Variants in MST1 observed in about 807,000 individuals in gnomAD.
The protein encoded by MST1 is hepatocyte growth factor-like protein.
In MST1, 76 loss-of-function variants were observed where a neutral mutation model predicts 100.1. The ratio of observed to expected loss-of-function variants is 0.76; its 90% confidence interval spans 0.63 to 0.92. The LOEUF is 0.92. Among genes scored for constraint, MST1 ranks in the 40% least tolerant of loss-of-function variants. The pLI is 0.00. For missense variants in MST1, 850 were observed against 990.0 expected (o/e 0.86, Z 1.90); for synonymous variants, 352 against 385.4 (o/e 0.91, Z 1.01).
chr3:49,685,892 C>G lies in MST1; in HGVS notation c.1218G>C (p.Gln406His). The change falls in exon 10 of 18, where the codon CAG becomes CAC. Residue 406 changes from glutamine to histidine, a missense_variant. Around this residue, in one of 2 missense-constraint regions of MST1, gnomAD observed 816 missense variants for 924.6 expected, o/e 0.88. Coordinates refer to ENST00000449682, the MANE Select transcript of MST1 (RefSeq NM_020998.4). ...TGTGCGGCGTCTCAGCGGACCAGCG[C>G]TGGCACTGGACACCCTTGCGGGTCT... ...VSKTRKGVQC[Q>H]RWSAETPHKP... 1 of 1,606,014 alleles carries G rather than the reference C, an allele frequency of 6.2e-7. No individual in the cohort carries two copies. The highest frequency in any genetic ancestry group is 1.9e-4 in the Middle Eastern group (1 of 5,272).
Position 49,685,669 on chromosome 3 carries a change from C to T in MST1, c.1314G>A (p.Gly438=), listed in dbSNP as rs1268994285. The T allele has an allele frequency of 3.0e-5, 48 of 1,613,292 alleles. No homozygotes were observed. Among genetic ancestry groups the T allele is most frequent in the Non-Finnish European group, 4.0e-5 (47 of 1,179,864 alleles). The stretch of plus-strand genomic sequence containing the variant: ...TGTAGCACCAGGGCCCATGGCTATC[C>T]CCATCTGGGTTCCGGCAGAAGTTCT... The part of the protein sequence containing the change: ...LEENFCRNPD[G]DSHGPWCYTM... The change falls in exon 11 of 18, where the codon GGG becomes GGA. Residue 438 remains glycine (G), a synonymous_variant. Coordinates refer to ENST00000449682, the MANE Select transcript of MST1 (RefSeq NM_020998.4).
chr3:49,684,424 C>A lies in MST1; in HGVS notation c.1906G>T (p.Ala636Ser). ...TGGTTGGAGATGACATTCAGCAAGGCCACATTTAGGACTGTGTCATTACCC... is the reference window on the plus strand; with the variant it reads ...TGGTTGGAGATGACATTCAGCAAGGACACATTTAGGACTGTGTCATTACCC... Reference protein sequence around the residue: ...GTGNDTVLNVALLNVISNQEC... With the variant: ...GTGNDTVLNVSLLNVISNQEC... Residue 636 changes from alanine to serine, a missense_variant, in exon 17 of 18, where the codon GCC becomes TCC. Ala to Ser is a moderately conservative substitution (Grantham distance 99). This residue lies in a region of MST1 where 816 missense variants were observed against 924.6 expected (regional missense o/e 0.88). Transcript: ENST00000449682. 6.2e-7 allele frequency: 1 copy of A among 1,613,422 alleles called. No individual in the cohort carries two copies.
Position 49,688,780 on chromosome 3 carries a change from C to T in MST1, c.-89G>A. 1 of 1,084,000 alleles carries T rather than the reference C, an allele frequency of 9.2e-7. No individual in the cohort carries two copies. 67.1% of individuals were successfully genotyped at this position (1,084,000 alleles called of 1,614,324 possible). A position where few individuals can be genotyped will look rare whatever the true frequency, so the allele number is the denominator to read the frequency against. On this transcript the variant is annotated 5_prime_UTR_variant, in exon 1 of 18. Coordinates refer to ENST00000449682, the MANE Select transcript of MST1 (RefSeq NM_020998.4). The stretch of plus-strand genomic sequence containing the variant: ...GGCCTGCTGGACCCTGACCTGAGAC[C>T]TGGTGACAGGAGCCATGAGGGGCCA...
chr3:49,687,429 G>A lies in MST1; in HGVS notation c.405C>T (p.Thr135=). The A allele has an allele frequency of 1.2e-6, 2 of 1,613,388 alleles. No individual in the cohort carries two copies. The highest frequency in any genetic ancestry group is 1.7e-6 in the Non-Finnish European group (2 of 1,179,862). ...GCAGGCCACCCACGGTCGTGGCCAT[G>A]GTGCCCCGGTACCCAACCCCATTGT... ...IMNNGVGYRG[T]MATTVGGLPC... Residue 135 remains threonine, a synonymous_variant, in exon 4 of 18, where the codon ACC becomes ACT. Coordinates refer to ENST00000449682, the MANE Select transcript of MST1 (RefSeq NM_020998.4).
In MST1 at chr3:49,684,590, T is replaced by A. The variant is rs867733345; in HGVS notation, c.1836A>T (p.Pro612=). ...CLPPEWYVVP[P]GTKCEIAGWG... ...AGCCTGCAATCTCACACTTGGTCCC[T>A]GGAGGCACCACATACCATTCAGGGG... is the stretch of plus-strand genomic sequence containing the variant. Residue 612 remains proline (P), a synonymous_variant, in exon 16 of 18, where the codon CCA becomes CCT. Transcript: ENST00000449682. 2.5e-6 allele frequency: 4 copies of A among 1,613,798 alleles called. No homozygotes were observed. Among genetic ancestry groups the A allele is most frequent in the Non-Finnish European group, 2.5e-6 (3 of 1,179,868 alleles).
At position 49,687,871 on chromosome 3, in the gene MST1, G is replaced by A; in HGVS notation, c.121C>T (p.Gln41Ter). 1.2e-6 allele frequency: 2 copies of A among 1,613,580 alleles called. No homozygotes were observed. Among genetic ancestry groups the A allele is most frequent in the Non-Finnish European group, 1.7e-6 (2 of 1,179,856 alleles). Residue 41 changes from glutamine (Q) to a stop codon, truncating the protein, a stop_gained, in exon 2 of 18, where the codon CAA becomes TAA. Transcript: ENST00000449682. LOFTEE classifies it high-confidence loss of function. ...TGTAGCTCTGTGCCCCGGAGCACTT[G>A]GAAGTCATTCAATGGCGAGCGCTGC... is the stretch of plus-strand genomic sequence containing the variant. ...PGQRSPLNDF[Q>*]VLRGTELQHL...
chr3:49,684,041 A>G lies in MST1; in HGVS notation c.2165T>C (p.Met722Thr). Reference sequence around the variant, plus strand: ...TCAAGGCTGGGCCTAACCCAGTCTCATGACCTTGTGAATCCAGTCCACAAA... The same window carrying G: ...TCAAGGCTGGGCCTAACCCAGTCTCGTGACCTTGTGAATCCAGTCCACAAA... ...SVFVDWIHKV[M>T]RLG Residue 722 changes from methionine (M) to threonine (T), a missense_variant, in exon 18 of 18, where the codon ATG becomes ACG. By Grantham distance (81) the Met-to-Thr change is moderately conservative (BLOSUM62 -1). Transcript: ENST00000449682. 6.2e-7 allele frequency: 1 copy of G among 1,613,450 alleles called. No homozygotes were observed. The highest frequency in any genetic ancestry group is 8.5e-7 in the Non-Finnish European group (1 of 1,179,718).
In MST1 at chr3:49,684,670, G is replaced by T; in HGVS notation, c.1770-14C>A. On this transcript the variant is annotated splice_polypyrimidine_tract_variant and intron_variant, in intron 15 of 17. Transcript: ENST00000449682. ...AGGGTCACAGATCTTTAGCAAGAAT[G>T]GGGGCACTCAGGGTCTGAGGCCACA... 2 of 1,613,460 alleles carry T rather than the reference G, an allele frequency of 1.2e-6. No individual in the cohort carries two copies. The highest frequency in any genetic ancestry group is 1.7e-6 in the Non-Finnish European group (2 of 1,179,770).
chr3:49,684,723 A>G lies in MST1; in HGVS notation c.1769+15T>C, dbSNP rs1184942214. 6.2e-7 allele frequency: 1 copy of G among 1,613,138 alleles called. No individual in the cohort carries two copies. The highest frequency in any genetic ancestry group is 1.3e-5 in the African/African-American group (1 of 74,932). ...GCCCAGCCCCACCTCACACCCTCCCAGGTTGTCCACATACCTCTCCAGCTT... is the reference window on the plus strand; with the variant it reads ...GCCCAGCCCCACCTCACACCCTCCCGGGTTGTCCACATACCTCTCCAGCTT... On this transcript the variant is annotated intron_variant, in intron 15 of 17. Coordinates refer to ENST00000449682, the MANE Select transcript of MST1 (RefSeq NM_020998.4).
intron 8 of MST1, 42 bp downstream of exon 8, chr3:49,686,271 G>T (rs750176279): frequency 1.3e-6 from 2 of 1,583,138 alleles, no homozygotes; most frequent in South Asian, 1.1e-5. Context: ...CGTCTCACCC[G>T]CAGCAGCACG....
chr3:49,686,289 G>GCCCACCCCCCCCCCCCCCCC, intron 8 of MST1, 24 bp downstream of exon 8: 6 of 1,235,662 alleles, frequency 4.9e-6, no homozygotes, highest in South Asian at 1.4e-5. Context: ...ACGTCCCAAC[G>GCCCACCCCCCCCCCCCCCCC]CCCGCCCCCC....
rs2053945974 is a variant in MST1, at chr3:49,688,111, C to G, written c.95-214G>C. On this transcript the variant is annotated intron_variant, in intron 1 of 17. Transcript: ENST00000449682. The stretch of plus-strand genomic sequence containing the variant: ...GCAGGCCCAGACTTGGTAGTTATCA[C>G]CGGTGCCTCTGTTTAGTGGCCCAGG... The G allele has an allele frequency of 7.1e-6, 5 of 707,374 alleles. No homozygotes were observed. In the Admixed American group the frequency reaches 9.0e-5, roughly 13 times the overall value. 43.8% of individuals were successfully genotyped at this position (707,374 alleles called of 1,614,324 possible). A position where few individuals can be genotyped will look rare whatever the true frequency, so the allele number is the denominator to read the frequency against.
rs1160558322 is a variant in MST1 at position 49,688,834 on chromosome 3, G to A, written c.-143C>T. On this transcript the variant is annotated 5_prime_UTR_variant, in exon 1 of 18. Coordinates refer to ENST00000449682, the MANE Select transcript of MST1 (RefSeq NM_020998.4). ...CTCAGGTCCCATAGGTCAGTTGCAA[G>A]GGCCTAGTACAGCTTAGTGGACAGG... 3 of 635,580 alleles carry A rather than the reference G, an allele frequency of 4.7e-6. No individual in the cohort carries two copies. The highest frequency in any genetic ancestry group is 8.4e-6 in the Non-Finnish European group (3 of 359,052). The allele number at this position is 635,580 out of a possible 1,614,324, so 39.4% of individuals were successfully genotyped here.
rs2053787793 is a variant in MST1, at chr3:49,686,705, A to G, written c.826T>C (p.Phe276Leu). ...YTTDPQIERE[F>L]CDLPRCGSEA... ...CTACCGCAGCGGGGGAGGTCACAGAACTCTCGCTCGATCTGCGGATCCGTA... is the reference window on the plus strand; with the variant it reads ...CTACCGCAGCGGGGGAGGTCACAGAGCTCTCGCTCGATCTGCGGATCCGTA... The change falls in exon 7 of 18, where the codon TTC becomes CTC. Residue 276 changes from phenylalanine (F) to leucine (L), a missense_variant. Phe to Leu is a conservative substitution (Grantham distance 22). Around this residue, in one of 2 missense-constraint regions of MST1, gnomAD observed 816 missense variants for 924.6 expected, o/e 0.88. Coordinates refer to ENST00000449682, the MANE Select transcript of MST1 (RefSeq NM_020998.4). The G allele has an allele frequency of 1.9e-6, 3 of 1,578,350 alleles. No individual in the cohort carries two copies. The highest frequency in any genetic ancestry group is 8.6e-7 in the Non-Finnish European group (1 of 1,162,960).
Position 49,687,390 on chromosome 3 carries a change from C to T in MST1, c.444G>A (p.Trp148Ter). The change falls in exon 4 of 18, where the codon TGG (tryptophan) becomes TGA (stop). Residue 148 changes from tryptophan to a stop codon, truncating the protein, a stop_gained. Coordinates refer to ENST00000449682, the MANE Select transcript of MST1 (RefSeq NM_020998.4). LOFTEE classifies it high-confidence loss of function. ...TGTGATCATTTGGGAACTTGTGGCT[C>T]CAAGCCTGGCAGGGCAGGCCACCCA... ...TTVGGLPCQA[W>*]SHKFPNDHKY... 1 of 1,613,516 alleles carries T rather than the reference C, an allele frequency of 6.2e-7. No homozygotes were observed. Among genetic ancestry groups the T allele is most frequent in the East Asian group, 2.2e-5 (1 of 44,886 alleles).
In MST1 at chr3:49,687,365, T is replaced by C. The variant is rs138710044; in HGVS notation, c.469A>G (p.Lys157Glu). The change falls in exon 4 of 18, where the codon AAG (lysine) becomes GAG (glutamate). Residue 157 changes from lysine to glutamate, a missense_variant and splice_region_variant. By Grantham distance (56) the Lys-to-Glu change is moderately conservative (BLOSUM62 1). Coordinates refer to ENST00000449682, the MANE Select transcript of MST1 (RefSeq NM_020998.4). ...AWSHKFPNDH[K>E]YTPTLRNGLE... ...ACGGAGGGAAGGTGTTTGTCTCACT[T>C]GTGATCATTTGGGAACTTGTGGCTC... 1.2e-6 allele frequency: 2 copies of C among 1,613,394 alleles called. No homozygotes were observed. Among genetic ancestry groups the C allele is most frequent in the Non-Finnish European group, 8.5e-7 (1 of 1,179,858 alleles).
chr3:49,687,170 C>A lies in MST1; in HGVS notation c.586G>T (p.Gly196Cys), dbSNP rs562538123. The part of the protein sequence containing the change: ...TDPAVRFQSC[G>C]IKSCREAACV... Reference sequence around the variant, plus strand: ...TTACCCTCCCGGCAGGATTTGATGCCGCAGCTCTGGAAGCGCACAGCAGGG... The same window carrying A: ...TTACCCTCCCGGCAGGATTTGATGCAGCAGCTCTGGAAGCGCACAGCAGGG... Residue 196 changes from glycine to cysteine, a missense_variant, in exon 5 of 18, where the codon GGC becomes TGC. Physicochemically the swap from Gly to Cys is radical, Grantham distance 159 (BLOSUM62 -3). This residue lies in a region of MST1 where 816 missense variants were observed against 924.6 expected (regional missense o/e 0.88). Coordinates refer to ENST00000449682, the MANE Select transcript of MST1 (RefSeq NM_020998.4). The A allele has an allele frequency of 1.2e-6, 2 of 1,613,242 alleles. No individual in the cohort carries two copies. The highest frequency in any genetic ancestry group is 1.7e-5 in the Admixed American group (1 of 60,016).
chr3:49,688,159 T>C (rs547154596), intron 1 of MST1: 4 of 559,190 alleles, frequency 7.2e-6, no homozygotes, highest in South Asian at 4.4e-5. Context: ...ATCTAACACA[T>C]ACGCTCTGTG....
rs2053767702 is a variant in MST1 at position 49,686,471 on chromosome 3, T to G, written c.858A>C (p.Ala286=). ...FCDLPRCGSE[A]QPRQEATTVS... ...CAGTTGTGGCCTCTTGGCGGGGCTG[T>G]GCCTCGGACCCTTAGATGGACCGAG... The change falls in exon 8 of 18, where the codon GCA becomes GCC. Residue 286 remains alanine, a synonymous_variant. Transcript: ENST00000449682. 12 of 1,612,514 alleles carry G rather than the reference T, an allele frequency of 7.4e-6. No individual in the cohort carries two copies. The highest frequency in any genetic ancestry group is 1.0e-5 in the Non-Finnish European group (12 of 1,179,788).
Sources: allele counts gnomAD v4.1 joint callset, GRCh38; gene constraint gnomAD v4.1.1; regional missense constraint gnomAD v4.1.1; transcripts MANE v1.5; gene names NCBI Gene and HGNC (gene_info 2026-07-23, HGNC 2026-07-21).